Variants in CHURC1 observed in about 807,000 individuals in gnomAD.
The protein encoded by CHURC1 is churchill domain containing 1.
CHURC1 carries 12 observed loss-of-function variants against 15.4 expected under a neutral mutation model. The observed-to-expected ratio is 0.78, with a 90% CI of 0.50 to 1.27. The LOEUF (loss-of-function observed/expected upper bound fraction) is 1.27, where lower values mean the gene tolerates loss of function less well. Among genes scored for constraint, CHURC1 ranks in the 50% most tolerant of loss-of-function variants. The pLI is 0.00. For missense variants in CHURC1, 132 were observed against 137.8 expected (o/e 0.96, Z 0.21); for synonymous variants, 42 against 47.5 (o/e 0.88, Z 0.48).
intron 2 of CHURC1, 107 bp downstream of exon 2, chr14:64,924,233 C>T: frequency 5.5e-6 from 7 of 1,284,298 alleles, no homozygotes; most frequent in Middle Eastern, 2.5e-4. Context: ...TTGTATTGCG[C>T]ACATAATTAC....
In CHURC1 at chr14:64,917,455, T is replaced by C. The variant is rs182092800; in HGVS notation, c.39+2921T>C. ...GGAGGCGCCTGTAATCCCAGCTACT[T>C]GGGAGGCTGAGGCGGTAGAATCGCT... On this transcript the variant is annotated intron_variant, in intron 1 of 3. Transcript: ENST00000549115. 2.1e-3 allele frequency among the ~76,000 whole-genome samples: 312 copies of C among 151,590 alleles called. 3 individuals are homozygous for C. Among genetic ancestry groups the C allele is most frequent in the African/African-American group, 7.4e-3 (305 of 40,972 alleles).
chr14:64,932,277 T>C lies in CHURC1; in HGVS notation c.*47T>C, dbSNP rs1193549499. ...ATAACTATATTGTGTTGGTTTACAA[T>C]ACAGCAAGCCTGATGGTTTGTCTTA... On this transcript the variant is annotated 3_prime_UTR_variant, in exon 4 of 4. Transcript: ENST00000549115. The C allele has an allele frequency of 1.2e-6, 2 of 1,601,242 alleles. No individual in the cohort carries two copies. The highest frequency in any genetic ancestry group is 1.3e-5 in the African/African-American group (1 of 74,618).
intron 3 of CHURC1, 91 bp downstream of exon 3, chr14:64,926,171 T>A: frequency 1.1e-6 from 1 of 875,986 alleles, no homozygotes; most frequent in Non-Finnish European, 1.7e-6. Flanking sequence ...TTTTCATAAG[T>A]GAAGTGCAAA....
intron 1 of CHURC1, among the ~76,000 whole-genome samples, chr14:64,918,056 G>A (rs746303158): frequency 1.2e-4 from 19 of 152,134 alleles, no homozygotes; most frequent in Non-Finnish European, 1.9e-4. Context: ...AAAATGTAGA[G>A]AATCAAGGAC....
rs1885253312 is a variant in CHURC1 at position 64,934,872 on chromosome 14, T to G, written c.*2642T>G. Reference sequence around the variant, plus strand: ...GTTTTGGACTATATGTTACAAAAATTTAAAACATAAGATCCTCTCTCTATA... The same window carrying G: ...GTTTTGGACTATATGTTACAAAAATGTAAAACATAAGATCCTCTCTCTATA... On this transcript the variant is annotated 3_prime_UTR_variant, in exon 4 of 4. Coordinates refer to ENST00000549115, the MANE Select transcript of CHURC1 (RefSeq NM_001386928.1). 4 of 984,620 alleles carry G rather than the reference T, an allele frequency of 4.1e-6. No homozygotes were observed. The highest frequency in any genetic ancestry group is 4.8e-6 in the Non-Finnish European group (4 of 829,204). 61.0% of individuals were successfully genotyped at this position (984,620 alleles called of 1,614,324 possible). A position where few individuals can be genotyped will look rare whatever the true frequency, so the allele number is the denominator to read the frequency against.
At chr14:64,921,687 TCA>T (rs1399617248) in intron 1 of CHURC1, among the ~76,000 whole-genome samples, 1 of 152,198 alleles carries the variant, frequency 6.6e-6, no homozygotes, top group African/African-American at 2.4e-5. Flanking sequence ...CAACTGGAAC[TCA>T]CACATTGCTG....
Position 64,932,632 on chromosome 14 carries a change from T to G in CHURC1, c.*402T>G. The G allele has an allele frequency of 5.2e-6, 1 of 192,694 alleles. No homozygotes were observed. The highest frequency in any genetic ancestry group is 7.6e-6 in the Non-Finnish European group (1 of 130,804). 11.9% of individuals were successfully genotyped at this position (192,694 alleles called of 1,614,324 possible). On this transcript the variant is annotated 3_prime_UTR_variant, in exon 4 of 4. Transcript: ENST00000549115. The stretch of plus-strand genomic sequence containing the variant: ...TATCTTGTGCCACAGAAAAATGAAG[T>G]ACTGAAATTAAAAAAAAAAAATCAT...
chr14:64,925,971 C>T (rs776706964), intron 2 of CHURC1, 39 bp from the exon 3 acceptor site: 1 of 1,460,194 alleles, frequency 6.8e-7, no homozygotes, highest in South Asian at 1.3e-5. Flanking sequence ...AAGAAACTCT[C>T]TAAGACTTAA....
chr14:64,918,969 A>T (rs1412970570), intron 1 of CHURC1, among the ~76,000 whole-genome samples: 1 of 152,268 alleles, frequency 6.6e-6, no homozygotes. Flanking sequence ...GACTAGAAAT[A>T]TATAGTACTG....
Position 64,926,039 on chromosome 14 carries a change from G to T in CHURC1, c.205G>T (p.Ala69Ser). The T allele has an allele frequency of 6.2e-7, 1 of 1,600,184 alleles. No homozygotes were observed. Among genetic ancestry groups the T allele is most frequent in the Non-Finnish European group, 8.5e-7 (1 of 1,174,166 alleles). The change falls in exon 3 of 4, where the codon GCC (alanine) becomes TCC (serine). Residue 69 changes from alanine (A) to serine (S), a missense_variant. Coordinates refer to ENST00000549115, the MANE Select transcript of CHURC1 (RefSeq NM_001386928.1). The part of the protein sequence containing the change: ...HLCKNCHHVI[A>S]RHEYTFSIMD... ...GTGTAAGAATTGTCATCATGTAATA[G>T]CCAGACATGAGTATACATTCAGTAT...
chr14:64,929,947 CCA>C (rs1555383899), intron 3 of CHURC1, among the ~76,000 whole-genome samples: 10 of 151,106 alleles, frequency 6.6e-5, no homozygotes, highest in Non-Finnish European at 1.3e-4. Flanking sequence ...AAGCCCCCCC[CCA>C]CACACACACC....
At position 64,935,012 on chromosome 14, in the gene CHURC1, T is replaced by C; in HGVS notation, c.*2782T>C. 1.0e-6 allele frequency: 1 copy of C among 983,656 alleles called. No homozygotes were observed. The highest frequency in any genetic ancestry group is 4.7e-5 in the South Asian group (1 of 21,250). The allele number at this position is 983,656 out of a possible 1,614,324, so 60.9% of individuals were successfully genotyped here. ...AACCCAGTTTCACAGAATCCTTATT[T>C]TTCTGTTCAAATTAGGAATTAGGGA... On this transcript the variant is annotated 3_prime_UTR_variant, in exon 4 of 4. Transcript: ENST00000549115.
At position 64,916,708 on chromosome 14, in the gene CHURC1, G is replaced by T. The variant is rs551394313; in HGVS notation, c.39+2174G>T. 6.6e-5 allele frequency among the ~76,000 whole-genome samples: 10 copies of T among 152,168 alleles called. No individual in the cohort carries two copies. In the East Asian group the frequency reaches 1.7e-3, roughly 27 times the overall value. On this transcript the variant is annotated intron_variant, in intron 1 of 3. Transcript: ENST00000549115. ...TTCTCCTGCCTCAGCCTCCCGAGTAGCTCGGACTGCAGGTGCCCACCACCA... is the reference window on the plus strand; with the variant it reads ...TTCTCCTGCCTCAGCCTCCCGAGTATCTCGGACTGCAGGTGCCCACCACCA...
rs1038089096 is a variant in CHURC1, at chr14:64,934,443, T to C, written c.*2213T>C. The C allele has an allele frequency of 5.1e-6, 5 of 985,250 alleles. No individual in the cohort carries two copies. The highest frequency in any genetic ancestry group is 1.2e-4 in the Admixed American group (2 of 16,266). The allele number at this position is 985,250 out of a possible 1,614,324, so 61.0% of individuals were successfully genotyped here. A position where few individuals can be genotyped will look rare whatever the true frequency, so the allele number is the denominator to read the frequency against. On this transcript the variant is annotated 3_prime_UTR_variant, in exon 4 of 4. Coordinates refer to ENST00000549115, the MANE Select transcript of CHURC1 (RefSeq NM_001386928.1). ...TGCAGTTACCCCCTCTCAGTAATTA[T>C]GTTTGGCAAATATGAAATACAAGGA... is the stretch of plus-strand genomic sequence containing the variant.
At chr14:64,919,575 C>T (rs1041775070) in intron 1 of CHURC1, among the ~76,000 whole-genome samples, 6 of 152,250 alleles carry the variant, frequency 3.9e-5, no homozygotes, top group East Asian at 1.9e-4. Context: ...ATTACCTAAC[C>T]TTCCACTTAA....
chr14:64,933,080 T>G lies in CHURC1; in HGVS notation c.*850T>G, dbSNP rs1885166116. 6.5e-6 allele frequency: 1 copy of G among 152,806 alleles called. No homozygotes were observed. The highest frequency in any genetic ancestry group is 2.4e-5 in the African/African-American group (1 of 41,440). 9.5% of individuals were successfully genotyped at this position (152,806 alleles called of 1,614,324 possible). ...TGGCACTTTACCTCTGTGGTCCTCC[T>G]CCCCAGAACTCAGAACCCAAGTCTG... is the stretch of plus-strand genomic sequence containing the variant. On this transcript the variant is annotated 3_prime_UTR_variant, in exon 4 of 4. Transcript: ENST00000549115.
chr14:64,932,202 AC>A lies in CHURC1; in HGVS notation c.316del (p.Arg106AspfsTer3), dbSNP rs746498285. 97 of 1,613,974 alleles carry A rather than the reference AC, an allele frequency of 6.0e-5. No individual in the cohort carries two copies. Among genetic ancestry groups the A allele is most frequent in the East Asian group, 2.0e-4 (9 of 44,868 alleles). On this transcript the variant is annotated frameshift_variant, in exon 4 of 4. Transcript: ENST00000549115. LOFTEE classifies it high-confidence loss of function. ...GATACTATCAGTATTCTCCCTGATG[AC>A]CCCCGACAAATGACTCTCTTATTCT... ...AEDTISILPD[D>X]PRQMTLLF
intron 1 of CHURC1, among the ~76,000 whole-genome samples, chr14:64,923,450 CAT>C (rs576395595): frequency 5.9e-5 from 9 of 152,242 alleles, no homozygotes; most frequent in South Asian, 4.1e-4. Context: ...CTGCCTCAAT[CAT>C]GTGTATCCTT....
intron 1 of CHURC1, among the ~76,000 whole-genome samples, chr14:64,923,452 T>C (rs1249356984): frequency 6.6e-6 from 1 of 152,164 alleles, no homozygotes; most frequent in African/African-American, 2.4e-5. Context: ...GCCTCAATCA[T>C]GTGTATCCTT....
Sources: allele counts gnomAD v4.1 joint callset (sites outside exome capture counted in the v4.1 genomes callset), GRCh38; gene constraint gnomAD v4.1.1; transcripts MANE v1.5; gene names NCBI Gene and HGNC (gene_info 2026-07-23, HGNC 2026-07-21).